Variants in GALNTL6 observed in about 807,000 individuals in gnomAD.
GALNTL6 encodes the protein polypeptide N-acetylgalactosaminyltransferase-like 6.
A neutral mutation model predicts 73.7 loss-of-function variants in GALNTL6; 46 were observed. The ratio of observed to expected loss-of-function variants is 0.62; its 90% confidence interval spans 0.49 to 0.80. GALNTL6 has a LOEUF of 0.80. GALNTL6 is among the 30% of genes least tolerant of loss of function. The probability of loss-of-function intolerance (pLI) is 0.00; values close to 1 mark genes in which losing one functional copy is unlikely to be tolerated. For missense variants in GALNTL6, 604 were observed against 755.0 expected (o/e 0.80, Z 2.34); for synonymous variants, 259 against 263.7 (o/e 0.98, Z 0.17).
At chr4:172,425,805 A>G (rs1416588207) in intron 5 of GALNTL6, among the ~76,000 whole-genome samples, 2 of 152,084 alleles carry the variant, frequency 1.3e-5, no homozygotes, top group Non-Finnish European at 2.9e-5. Context: ...AAGAAAAGAA[A>G]ACAATTCTAC....
At chr4:172,560,113 A>G (rs1736300116) in intron 5 of GALNTL6, among the ~76,000 whole-genome samples, 1 of 152,182 alleles carries the variant, frequency 6.6e-6, no homozygotes, top group African/African-American at 2.4e-5. Flanking sequence ...TTCAGATTCA[A>G]TTCAGTAGAT....
At chr4:172,660,051 C>T (rs1202149891) in intron 5 of GALNTL6, among the ~76,000 whole-genome samples, 1 of 151,736 alleles carries the variant, frequency 6.6e-6, no homozygotes, top group African/African-American at 2.4e-5. Context: ...TCAGCCTCAA[C>T]CTTTCCTTCC....
intron 2 of GALNTL6, among the ~76,000 whole-genome samples, chr4:171,845,626 T>C (rs1219293589): frequency 1.3e-5 from 2 of 152,078 alleles, no homozygotes; most frequent in Non-Finnish European, 2.9e-5. Flanking sequence ...CTACAACCGA[T>C]TTTTCCCTTC....
At chr4:172,429,096 A>G (rs939707393) in intron 5 of GALNTL6, among the ~76,000 whole-genome samples, 8 of 151,872 alleles carry the variant, frequency 5.3e-5, no homozygotes, top group Non-Finnish European at 1.2e-4. Context: ...TTATAAAGGA[A>G]CTAATCCTAT....
chr4:172,295,437 G>A (rs557876609), intron 3 of GALNTL6, among the ~76,000 whole-genome samples: 1 of 141,488 alleles, frequency 7.1e-6, no homozygotes, highest in Non-Finnish European at 1.5e-5. Context: ...AAAAAAAAGT[G>A]CCACAATCAG....
At chr4:172,994,095 A>G (rs1461057273) in intron 10 of GALNTL6, among the ~76,000 whole-genome samples, 2 of 152,222 alleles carry the variant, frequency 1.3e-5, no homozygotes, top group Non-Finnish European at 2.9e-5. Context: ...TGCTTAAATG[A>G]GAAGCACGTA....
At chr4:171,833,549 G>T (rs1344524854) in intron 2 of GALNTL6, among the ~76,000 whole-genome samples, 5 of 151,422 alleles carry the variant, frequency 3.3e-5, no homozygotes, top group Non-Finnish European at 7.4e-5. Context: ...GAGTTTTTAT[G>T]GTCCAGAGTC....
At chr4:172,715,090 A>T (rs1419761504) in intron 5 of GALNTL6, among the ~76,000 whole-genome samples, 1 of 151,848 alleles carries the variant, frequency 6.6e-6, no homozygotes, top group African/African-American at 2.4e-5. Flanking sequence ...ATATCTAATG[A>T]TTTCAACAAA....
intron 3 of GALNTL6, among the ~76,000 whole-genome samples, chr4:172,281,205 T>G (rs1034581178): frequency 3.9e-4 from 60 of 152,136 alleles, no homozygotes; most frequent in African/African-American, 1.4e-3. Flanking sequence ...ATTCATTACC[T>G]TACAGTTCCG....
intron 2 of GALNTL6, among the ~76,000 whole-genome samples, chr4:172,206,011 G>A (rs28667829): frequency 0.042 from 6,379 of 151,938 alleles, 420 homozygotes; most frequent in African/African-American, 0.14. Context: ...TGTAGAGCAG[G>A]GAAAGAATAT....
rs531508761 is a variant in GALNTL6 at position 172,376,646 on chromosome 4, G to A, written c.553+27957G>A. Among the ~76,000 whole-genome samples the A allele has an allele frequency of 1.6e-3, 249 of 152,230 alleles. 1 individual carries two copies. Among genetic ancestry groups the A allele is most frequent in the African/African-American group, 5.6e-3 (233 of 41,538 alleles). On this transcript the variant is annotated intron_variant, in intron 5 of 12. Transcript: ENST00000506823. ...TTCTAAGAAAAAATAGGACAGAATA[G>A]CAAGCAAAAGGGGTCCGATGGTACT...
intron 7 of GALNTL6, among the ~76,000 whole-genome samples, chr4:172,863,919 T>C (rs1041933134): frequency 9.9e-5 from 15 of 152,180 alleles, no homozygotes; most frequent in African/African-American, 3.6e-4. Flanking sequence ...CAGTGGGAGG[T>C]AATTGAATCA....
At chr4:172,623,998 C>G (rs837195) in intron 5 of GALNTL6, among the ~76,000 whole-genome samples, 151,563 of 152,228 alleles carry the variant, frequency 1, 75,453 homozygotes, top group Non-Finnish European at 1. Context: ...GGAACCTATA[C>G]AGTTTAGGAT....
intron 2 of GALNTL6, among the ~76,000 whole-genome samples, chr4:171,923,961 G>A (rs1361991286): frequency 6.6e-6 from 1 of 151,748 alleles, no homozygotes; most frequent in Admixed American, 6.6e-5. Flanking sequence ...TTACTATAAG[G>A]TACTTGAAGA....
chr4:172,239,005 G>A (rs758011535), intron 3 of GALNTL6, among the ~76,000 whole-genome samples: 1 of 152,086 alleles, frequency 6.6e-6, no homozygotes, highest in Non-Finnish European at 1.5e-5. Context: ...CAATTTGCTA[G>A]TATTTTATTA....
At chr4:172,095,064 T>C (rs1732313107) in intron 2 of GALNTL6, among the ~76,000 whole-genome samples, 1 of 151,770 alleles carries the variant, frequency 6.6e-6, no homozygotes, top group African/African-American at 2.4e-5. Flanking sequence ...TACTTGAAAT[T>C]TTAACAATTT....
chr4:171,940,196 A>C lies in GALNTL6; in HGVS notation c.138+125478A>C, dbSNP rs561720272. Among the ~76,000 whole-genome samples, 1,476 of 152,184 alleles carry C rather than the reference A, an allele frequency of 9.7e-3. 22 individuals carry two copies. Among genetic ancestry groups the C allele is most frequent in the African/African-American group, 0.029 (1,218 of 41,530 alleles). The stretch of plus-strand genomic sequence containing the variant: ...CATATCTCATTATTAACTGTGAAAA[A>C]AACTGGAGAAAACATCATATTGTGT... On this transcript the variant is annotated intron_variant, in intron 2 of 12. Coordinates refer to ENST00000506823, the MANE Select transcript of GALNTL6 (RefSeq NM_001034845.3).
intron 5 of GALNTL6, among the ~76,000 whole-genome samples, chr4:172,617,621 CG>C (rs1000946846): frequency 1.3e-5 from 2 of 151,690 alleles, no homozygotes; most frequent in Non-Finnish European, 1.5e-5. Flanking sequence ...GGACTACAGG[CG>C]CCCGCCACCA....
intron 2 of GALNTL6, among the ~76,000 whole-genome samples, chr4:172,115,183 G>A (rs1044255556): frequency 4.6e-5 from 7 of 152,010 alleles, no homozygotes; most frequent in Non-Finnish European, 7.4e-5. Context: ...AATCTTTGAT[G>A]TCTCACATTG....
Sources: allele counts gnomAD v4.1 joint callset (sites outside exome capture counted in the v4.1 genomes callset), GRCh38; gene constraint gnomAD v4.1.1; transcripts MANE v1.5; gene names NCBI Gene and HGNC (gene_info 2026-07-23, HGNC 2026-07-21).